SLC19A1: variants seen among roughly 807,000 people sequenced by gnomAD.
SLC19A1 encodes reduced folate transporter.
SLC19A1 carries 37 observed loss-of-function variants against 35.3 expected under a neutral mutation model. The ratio of observed to expected loss-of-function variants is 1.05; its 90% CI spans 0.81 to 1.38. The LOEUF (loss-of-function observed/expected upper bound fraction) is 1.38. Ranked by LOEUF, SLC19A1 falls within the 40% of genes most tolerant of loss-of-function variation. SLC19A1 has a pLI of 0.00. For missense variants in SLC19A1, 831 were observed against 826.9 expected (o/e 1.00, Z -0.06); for synonymous variants, 460 against 398.5 (o/e 1.15, Z -1.84).
At chr21:45,503,884 T>G in intron 3 of SLC19A1, 1 of 860,676 alleles carries the variant, frequency 1.2e-6, no homozygotes, top group Non-Finnish European at 1.9e-6. Flanking sequence ...CCTAATTAAA[T>G]ACGCGATCTC....
chr21:45,510,089 CCCT>C, downstream of SLC19A1: 4 of 1,584,714 alleles, frequency 2.5e-6, no homozygotes, highest in Non-Finnish European at 3.4e-6. Flanking sequence ...CTCAACAGCC[CCCT>C]GTCAGGCGGC....
intron 1 of SLC19A1, among the ~76,000 whole-genome samples, chr21:45,562,401 G>C (rs1324873331): frequency 6.6e-6 from 1 of 152,176 alleles, no homozygotes; most frequent in Admixed American, 6.5e-5. Context: ...GGCCAGTTCT[G>C]AAAACTTCCA....
intron 5 of SLC19A1, among the ~76,000 whole-genome samples, chr21:45,516,493 T>C (rs28448590): frequency 6.6e-6 from 1 of 152,176 alleles, no homozygotes; most frequent in Non-Finnish European, 1.5e-5. Context: ...AGGGTGCCCA[T>C]GAGGGCCAGA....
rs2078018648 is a variant in SLC19A1 at position 45,533,844 on chromosome 21, G to A, written c.190-1696C>T. Among the ~76,000 whole-genome samples, 1 of 152,188 alleles carries A rather than the reference G, an allele frequency of 6.6e-6. No homozygotes were observed. The highest frequency in any genetic ancestry group is 1.5e-5 in the Non-Finnish European group (1 of 68,010). On this transcript the variant is annotated intron_variant, in intron 2 of 5. Transcript: ENST00000311124. The surrounding 1 kb of genome is among the most constrained non-coding windows in gnomAD (Gnocchi z 4.5). ...CGTGTCTGGCACACCCAAGATGTGT[G>A]GCCCGATGTGCTCAGAGCCCGGCCA...
intron 1 of SLC19A1, among the ~76,000 whole-genome samples, chr21:45,539,375 G>A (rs545447454): frequency 2.0e-5 from 3 of 152,340 alleles, no homozygotes; most frequent in South Asian, 2.1e-4. Flanking sequence ...CGGGGTCGCC[G>A]TCCCATCTGC....
At chr21:45,504,050 T>A in intron 3 of SLC19A1, 1 of 1,613,616 alleles carries the variant, frequency 6.2e-7, no homozygotes, top group Non-Finnish European at 8.5e-7. Context: ...GAGGCTGAAA[T>A]GAAGGTGGGT....
At chr21:45,554,995 G>A (rs900374769) in intron 1 of SLC19A1, among the ~76,000 whole-genome samples, 1 of 151,200 alleles carries the variant, frequency 6.6e-6, no homozygotes, top group African/African-American at 2.4e-5. Context: ...CCGCGCCCAG[G>A]AGCACGTCCA....
downstream of SLC19A1, chr21:45,509,429 ACCC>A (rs768496372): frequency 3.7e-5 from 57 of 1,533,258 alleles, 1 homozygote; most frequent in South Asian, 6.8e-4. Context: ...CGGCGGGAGC[ACCC>A]CCACCCCACC....
At chr21:45,504,497 C>T (rs1446237193) in intron 3 of SLC19A1, 1 of 1,516,400 alleles carries the variant, frequency 6.6e-7, no homozygotes, top group Non-Finnish European at 8.8e-7. Context: ...CGGCTCCAGC[C>T]TGCCCGGCCC....
upstream of SLC19A1, among the ~76,000 whole-genome samples, chr21:45,545,267 A>G (rs538154481): frequency 4.6e-5 from 7 of 152,308 alleles, no homozygotes; most frequent in African/African-American, 1.7e-4. Flanking sequence ...GTGTTGGATC[A>G]TGAGGACGGA....
intron 1 of SLC19A1, among the ~76,000 whole-genome samples, chr21:45,561,736 T>G (rs1045696992): frequency 1.4e-5 from 2 of 146,030 alleles, no homozygotes; most frequent in African/African-American, 5.1e-5. Flanking sequence ...ACTCCAGCCT[T>G]GGGGACACAG....
chr21:45,541,401 G>A (rs940147118), intron 1 of SLC19A1, among the ~76,000 whole-genome samples: 3 of 152,230 alleles, frequency 2.0e-5, no homozygotes. Context: ...TCCGTAGGGG[G>A]AGGCCACCTC....
At chr21:45,504,744 C>T (rs1329105152) in intron 3 of SLC19A1, among the ~76,000 whole-genome samples, 6 of 152,112 alleles carry the variant, frequency 3.9e-5, no homozygotes, top group East Asian at 1.9e-4. Context: ...GCACTGACCC[C>T]GGACACCCCC....
In SLC19A1 at chr21:45,530,878, C is replaced by A; in HGVS notation, c.1043G>T (p.Gly348Val). 6.7e-7 allele frequency: 1 copy of A among 1,486,330 alleles called. No homozygotes were observed. Among genetic ancestry groups the A allele is most frequent in the Non-Finnish European group, 8.9e-7 (1 of 1,119,838 alleles). The allele number at this position is 1,486,330 out of a possible 1,614,324, so 92.1% of individuals were successfully genotyped here. The change falls in exon 4 of 6, where the codon GGG becomes GTG. Residue 348 changes from glycine (G) to valine (V), a missense_variant. By Grantham distance (109) the Gly-to-Val change is moderately radical. Coordinates refer to ENST00000311124, the MANE Select transcript of SLC19A1 (RefSeq NM_194255.4). This position sits in a 1 kb window ranked among gnomAD's most constrained non-coding sequence, Gnocchi z 5.3. ...CGTGTGCGCCAGAAGGAAGACCAGC[C>A]CCGCCTGCGTGGCCGTGACGCCCGC... ...LIAGVTATQA[G>V]LVFLLAHTRH...
Position 45,513,721 on chromosome 21 carries a change from C to T in SLC19A1, c.*1937G>A, listed in dbSNP as rs1014530903. 15 of 152,254 alleles carry T rather than the reference C, an allele frequency of 9.9e-5. No individual in the cohort carries two copies. Among genetic ancestry groups the T allele is most frequent in the African/African-American group, 3.4e-4 (14 of 41,462 alleles). 9.4% of individuals were successfully genotyped at this position (152,254 alleles called of 1,614,324 possible). On this transcript the variant is annotated 3_prime_UTR_variant, in exon 6 of 6. Transcript: ENST00000311124. ...AAATAAAAGTGACCTTTTACACTGA[C>T]TCTTGGTTTGCAAGCAGCCTTCACT...
intron 1 of SLC19A1, among the ~76,000 whole-genome samples, chr21:45,557,400 GCCTGTGCC>G (rs2078573964): frequency 6.6e-6 from 1 of 152,180 alleles, no homozygotes; most frequent in South Asian, 2.1e-4. Flanking sequence ...CCAGGTGCTG[GCCTGTGCC>G]TTGTGGCCCC....
At chr21:45,549,437 G>A (rs1367345763) in intron 1 of SLC19A1, among the ~76,000 whole-genome samples, 2 of 151,452 alleles carry the variant, frequency 1.3e-5, no homozygotes, top group African/African-American at 4.9e-5. Flanking sequence ...TGCAATTTAT[G>A]GCATGTGAAT....
chr21:45,549,248 A>C (rs2146485251), upstream of SLC19A1, among the ~76,000 whole-genome samples: 2 of 152,258 alleles, frequency 1.3e-5, no homozygotes, highest in African/African-American at 4.8e-5. Context: ...TGGAGGGGCC[A>C]GAGTCCAGCC....
intron 2 of SLC19A1, 23 bp downstream of exon 2, chr21:45,537,748 C>A: frequency 7.5e-7 from 1 of 1,335,436 alleles, no homozygotes. Context: ...AGGCGGCCGC[C>A]CGGCACCCCG....
Sources: gnomAD v4.1 joint callset for allele counts (sites outside exome capture counted in the v4.1 genomes callset) on GRCh38, gnomAD v4.1.1 for gene constraint, Gnocchi (gnomAD v3.1) non-coding constraint, MANE v1.5 for transcripts, NCBI Gene and HGNC (gene_info 2026-07-23, HGNC 2026-07-21) for gene names.